The following CAPS2 variants were observed in gnomAD, a reference collection of about 807,000 sequenced individuals.
CAPS2 encodes calcyphosine 2, also known as calcyphosin-2.
In CAPS2, 98 loss-of-function variants were observed where a neutral mutation model predicts 86.5. The ratio of observed to expected loss-of-function variants is 1.13; its 90% CI spans 0.96 to 1.34. The LOEUF is 1.34. Among genes scored for constraint, CAPS2 ranks in the 40% most tolerant of loss-of-function variants. The pLI, the probability that CAPS2 is intolerant of heterozygous loss-of-function variation, is 0.00. For synonymous variants in CAPS2, 210 were observed against 225.1 expected, an observed-to-expected ratio of 0.93 and a Z score of 0.60; for missense variants, 729 against 686.8, an observed-to-expected ratio of 1.06 and a Z score of -0.69.
chr12:75,285,181 T>C (rs970029722), intron 14 of CAPS2, 101 bp from the exon 15 acceptor site: 1 of 1,062,782 alleles, frequency 9.4e-7, no homozygotes, highest in Non-Finnish European at 1.3e-6. Flanking sequence ...GTCCTAGATA[T>C]AACTCATTTA....
chr12:75,278,540 G>C (rs2033302651), exon 17 of CAPS2: 2 of 997,388 alleles, frequency 2.0e-6, no homozygotes, highest in African/African-American at 1.7e-5. Flanking sequence ...AATAGATGTT[G>C]CCATATTGTT....
intron 8 of CAPS2, among the ~76,000 whole-genome samples, chr12:75,301,026 T>C (rs950459167): frequency 3.9e-5 from 6 of 152,210 alleles, no homozygotes; most frequent in Non-Finnish European, 5.9e-5. Flanking sequence ...TTAATCTTTA[T>C]GGCCTTCAGA....
chr12:75,302,461 G>C (rs1197433437), intron 8 of CAPS2, among the ~76,000 whole-genome samples: 1 of 152,136 alleles, frequency 6.6e-6, no homozygotes, highest in Non-Finnish European at 1.5e-5. Flanking sequence ...AAGTCAGAGG[G>C]AAAATGATTT....
chr12:75,352,781 C>T (rs546894829), intron 1 of CAPS2, among the ~76,000 whole-genome samples: 24 of 152,146 alleles, frequency 1.6e-4, no homozygotes, highest in Non-Finnish European at 3.4e-4. Context: ...TGCAAAAGAA[C>T]TGAAATCATA....
chr12:75,277,920 T>C, exon 17 of CAPS2: 1 of 833,934 alleles, frequency 1.2e-6, no homozygotes, highest in Non-Finnish European at 1.4e-6. Flanking sequence ...TAACATATAT[T>C]TAGAAGGAAA....
At chr12:75,331,709 G>A (rs944235176), upstream of CAPS2, among the ~76,000 whole-genome samples, 4 of 150,518 alleles carry the variant, frequency 2.7e-5, no homozygotes, top group African/African-American at 4.9e-5. Flanking sequence ...GACTACAGGC[G>A]CCCGCCACTA....
At chr12:75,327,826 T>G (rs1277789813), upstream of CAPS2, among the ~76,000 whole-genome samples, 1 of 148,682 alleles carries the variant, frequency 6.7e-6, no homozygotes, top group Non-Finnish European at 1.5e-5. Context: ...TTAAGTATAT[T>G]TATTAAAATT....
At chr12:75,357,811 G>A (rs1203802470) in intron 1 of CAPS2, among the ~76,000 whole-genome samples, 1 of 151,502 alleles carries the variant, frequency 6.6e-6, no homozygotes, top group African/African-American at 2.4e-5. Context: ...TGAACTGAAT[G>A]AAATTAAAAT....
intron 1 of CAPS2, among the ~76,000 whole-genome samples, chr12:75,362,564 T>C (rs1192724423): frequency 6.6e-6 from 1 of 152,208 alleles, no homozygotes; most frequent in African/African-American, 2.4e-5. Context: ...TGTTATGTTT[T>C]TATTTGTGTA....
downstream of CAPS2, chr12:75,276,902 G>A: frequency 1.0e-6 from 1 of 984,026 alleles, no homozygotes; most frequent in Non-Finnish European, 1.2e-6. Flanking sequence ...TTAAGCATAG[G>A]ATTTCAAAAG....
At chr12:75,343,556 C>A (rs7312406) in intron 1 of CAPS2, 607,807 of 675,516 alleles carry the variant, frequency 0.9, 274,187 homozygotes, top group East Asian at 1. Context: ...ACTAACTATG[C>A]ACATAATAAA....
chr12:75,309,364 T>A (rs2038894859), intron 7 of CAPS2, among the ~76,000 whole-genome samples: 1 of 152,220 alleles, frequency 6.6e-6, no homozygotes, highest in Non-Finnish European at 1.5e-5. Flanking sequence ...AGTTCTTTGT[T>A]CAGGACACCA....
chr12:75,381,865 G>A (rs562786312), intron 1 of CAPS2, among the ~76,000 whole-genome samples: 53 of 152,116 alleles, frequency 3.5e-4, no homozygotes, highest in African/African-American at 1.3e-3. Context: ...TGCCCACCTC[G>A]GCTGCCCAAA....
rs559063913 is a variant in CAPS2 at position 75,340,151 on chromosome 12, T to C, written c.-394-16929A>G. Reference sequence around the variant, plus strand: ...TTTATACACACATATATATAAAATATATATGTATAAATATATATATACATA... The same window carrying C: ...TTTATACACACATATATATAAAATACATATGTATAAATATATATATACATA... On this transcript the variant is annotated intron_variant, in intron 1 of 5. Coordinates refer to the CAPS2 transcript ENST00000551829. Among the ~76,000 whole-genome samples the C allele has an allele frequency of 5.3e-5, 8 of 149,884 alleles. No individual in the cohort carries two copies. In the South Asian group the frequency reaches 1.0e-3, roughly 20 times the overall value.
In CAPS2 at chr12:75,321,429, G is replaced by A; in HGVS notation, c.439C>T (p.Gln147Ter). 1 of 1,547,116 alleles carries A rather than the reference G, an allele frequency of 6.5e-7. No individual in the cohort carries two copies. The highest frequency in any genetic ancestry group is 8.7e-7 in the Non-Finnish European group (1 of 1,143,678). ...TCATCTATCTTGTTTCTTGGAGACTGTTTATGTGTAACATTTGATTTTGTA... is the reference window on the plus strand; with the variant it reads ...TCATCTATCTTGTTTCTTGGAGACTATTTATGTGTAACATTTGATTTTGTA... The change falls in exon 5 of 17, where the codon CAG becomes TAG. Residue 147 changes from glutamine to a stop codon, truncating the protein, a stop_gained. Coordinates refer to ENST00000393284, the Ensembl canonical transcript of CAPS2. LOFTEE classifies it high-confidence loss of function.
intron 1 of CAPS2, among the ~76,000 whole-genome samples, chr12:75,377,378 G>A (rs2044704074): frequency 6.6e-6 from 1 of 152,172 alleles, no homozygotes; most frequent in Admixed American, 6.5e-5. Context: ...CAATCACAAG[G>A]TGAAATCCCA....
intron 1 of CAPS2, among the ~76,000 whole-genome samples, chr12:75,341,587 C>G (rs1483923171): frequency 6.6e-6 from 1 of 151,246 alleles, no homozygotes; most frequent in Non-Finnish European, 1.5e-5. Flanking sequence ...ACTGAGACTA[C>G]AGGCGCCCGC....
At chr12:75,330,872 C>A (rs1401567414), upstream of CAPS2, among the ~76,000 whole-genome samples, 1 of 151,786 alleles carries the variant, frequency 6.6e-6, no homozygotes, top group East Asian at 1.9e-4. Flanking sequence ...GCAACCTCTG[C>A]CTCCCAGGTT....
Position 75,374,660 on chromosome 12 carries a change from C to G in CAPS2, c.-395+16178G>C, listed in dbSNP as rs538066969. On this transcript the variant is annotated intron_variant, in intron 1 of 5. Coordinates refer to the CAPS2 transcript ENST00000551829. Reference sequence around the variant, plus strand: ...AAGGGAAAAGTGATATTTCTGCAAACAAGATTATGACATAAAGCTGGAGAG... The same window carrying G: ...AAGGGAAAAGTGATATTTCTGCAAAGAAGATTATGACATAAAGCTGGAGAG... 2.0e-5 allele frequency among the ~76,000 whole-genome samples: 3 copies of G among 152,284 alleles called. No individual in the cohort carries two copies. The East Asian group carries it at 5.8e-4, about 29-fold the overall frequency.
Sources: allele counts gnomAD v4.1 joint callset (sites outside exome capture counted in the v4.1 genomes callset), GRCh38; gene constraint gnomAD v4.1.1; transcripts MANE v1.5; gene names NCBI Gene and HGNC (gene_info 2026-07-23, HGNC 2026-07-21).